Variants in DENND1A observed in about 807,000 individuals in gnomAD.
The protein encoded by DENND1A is DENN domain-containing protein 1A.
Under a neutral mutation model 113.7 loss-of-function variants are expected in DENND1A, and 51 were observed. The ratio of observed to expected loss-of-function variants is 0.45; its 90% confidence interval spans 0.36 to 0.57. The LOEUF (loss-of-function observed/expected upper bound fraction) is 0.57. Ranked by LOEUF, DENND1A falls within the 20% of genes least tolerant of loss-of-function variation. The probability of loss-of-function intolerance (pLI) is 0.00; values close to 1 mark genes in which losing one functional copy is unlikely to be tolerated. For synonymous variants in DENND1A, 565 were observed against 570.8 expected (o/e 0.99, Z 0.14); for missense variants, 1,258 against 1,395.9 (o/e 0.90, Z 1.57).
rs115665243 is a variant in DENND1A, at chr9:123,609,842, T to C, written c.720-361A>G. On this transcript the variant is annotated intron_variant, in intron 10 of 23. Transcript: ENST00000394215. ...ATCAAAGAAAATATACGTTAAATGATCAGCAGAGTTCTAATACAGATGGGA... is the reference window on the plus strand; with the variant it reads ...ATCAAAGAAAATATACGTTAAATGACCAGCAGAGTTCTAATACAGATGGGA... 1.3e-3 allele frequency among the ~76,000 whole-genome samples: 200 copies of C among 152,282 alleles called. 1 individual carries two copies. Among genetic ancestry groups the C allele is most frequent in the African/African-American group, 4.6e-3 (192 of 41,554 alleles).
chr9:123,747,556 A>C (rs2069621608), intron 5 of DENND1A, among the ~76,000 whole-genome samples: 1 of 152,188 alleles, frequency 6.6e-6, no homozygotes, highest in Non-Finnish European at 1.5e-5. Flanking sequence ...CAAGTCCATG[A>C]GTAGAAAATA....
At chr9:123,465,113 G>A (rs570591692) in intron 13 of DENND1A, among the ~76,000 whole-genome samples, 2 of 151,454 alleles carry the variant, frequency 1.3e-5, no homozygotes, top group South Asian at 2.1e-4. Flanking sequence ...CCCGGGAGGT[G>A]GAGGTTGCAG....
intron 13 of DENND1A, among the ~76,000 whole-genome samples, chr9:123,532,104 C>A (rs755786711): frequency 2.6e-5 from 4 of 152,170 alleles, no homozygotes; most frequent in Non-Finnish European, 5.9e-5. Context: ...AAACCCTGTA[C>A]AATCAAATGA....
intron 4 of DENND1A, chr9:123,759,200 C>T (rs1447514817): frequency 6.6e-6 from 1 of 152,164 alleles, no homozygotes; most frequent in Non-Finnish European, 1.5e-5. Context: ...ATTTAAACAT[C>T]CCGCTTCCGT....
At chr9:123,429,273 G>A (rs2045961761) in intron 19 of DENND1A, among the ~76,000 whole-genome samples, 1 of 152,062 alleles carries the variant, frequency 6.6e-6, no homozygotes, top group Non-Finnish European at 1.5e-5. Context: ...CAAGCAATAG[G>A]GGCCAGGTGC....
intron 20 of DENND1A, chr9:123,411,328 T>C (rs1179161964): frequency 1.3e-5 from 2 of 152,238 alleles, no homozygotes; most frequent in Non-Finnish European, 2.9e-5. Context: ...TGTATCCATA[T>C]GAGCTGGCTC....
chr9:123,663,862 C>T (rs926448236), intron 8 of DENND1A, among the ~76,000 whole-genome samples: 2 of 149,518 alleles, frequency 1.3e-5, no homozygotes, highest in Admixed American at 6.6e-5. Context: ...AAAAAAAAAA[C>T]CAAAAGAATA....
intron 12 of DENND1A, among the ~76,000 whole-genome samples, chr9:123,575,585 T>A (rs753617521): frequency 5.9e-5 from 9 of 152,182 alleles, no homozygotes; most frequent in Non-Finnish European, 5.9e-5. Flanking sequence ...ATGTTAAAAT[T>A]GATCGTTTGG....
At chr9:123,710,534 AACACACACACAC>A (rs59599155) in intron 5 of DENND1A, among the ~76,000 whole-genome samples, 4 of 116,698 alleles carry the variant, frequency 3.4e-5, no homozygotes, top group Non-Finnish European at 7.7e-5. Flanking sequence ...AGCCTCATTA[AACACACACACAC>A]ACACACACAC....
intron 23 of DENND1A, 125 bp from the exon 24 acceptor site, chr9:123,382,750 C>T (rs987625221): frequency 6.7e-5 from 71 of 1,055,798 alleles, no homozygotes; most frequent in African/African-American, 3.0e-4. Context: ...ATCAGCTCCT[C>T]GGACTTGGAA....
intron 3 of DENND1A, among the ~76,000 whole-genome samples, chr9:123,770,048 T>G (rs1369041234): frequency 1.3e-5 from 2 of 152,198 alleles, no homozygotes; most frequent in Non-Finnish European, 2.9e-5. Context: ...AAAGCCAACT[T>G]GAAGATAATT....
chr9:123,400,077 T>A (rs2043350251), intron 21 of DENND1A: 1 of 152,236 alleles, frequency 6.6e-6, no homozygotes, highest in East Asian at 1.9e-4. Context: ...GTGCTCTGAA[T>A]AGTAATGGAA....
chr9:123,626,781 C>A (rs117054613), intron 10 of DENND1A, among the ~76,000 whole-genome samples: 2,865 of 152,248 alleles, frequency 0.019, 39 homozygotes, highest in Non-Finnish European at 0.027. Context: ...GGCACCTAAG[C>A]ACATGTGCAG....
intron 11 of DENND1A, among the ~76,000 whole-genome samples, chr9:123,589,335 A>T (rs1182656341): frequency 6.6e-6 from 1 of 151,998 alleles, no homozygotes; most frequent in Non-Finnish European, 1.5e-5. Context: ...ACTTCTTAAA[A>T]AGTGTCCCTC....
intron 12 of DENND1A, among the ~76,000 whole-genome samples, chr9:123,578,191 G>A (rs2058718464): frequency 6.6e-6 from 1 of 152,136 alleles, no homozygotes; most frequent in African/African-American, 2.4e-5. Flanking sequence ...TAATCTTTCA[G>A]CTCCCCAAGA....
At chr9:123,883,521 G>C (rs900008960) in intron 1 of DENND1A, among the ~76,000 whole-genome samples, 3 of 152,134 alleles carry the variant, frequency 2.0e-5, no homozygotes, top group African/African-American at 7.2e-5. Flanking sequence ...CCCAAGAATT[G>C]TATTTCTAAC....
intron 9 of DENND1A, among the ~76,000 whole-genome samples, chr9:123,638,957 G>A (rs1401160782): frequency 2.8e-5 from 4 of 142,100 alleles, no homozygotes; most frequent in Non-Finnish European, 6.0e-5. Context: ...ACATGGAATC[G>A]TGAGTACCTA....
chr9:123,458,799 T>G (rs190018144), intron 13 of DENND1A, among the ~76,000 whole-genome samples: 1 of 152,052 alleles, frequency 6.6e-6, no homozygotes, highest in African/African-American at 2.4e-5. Flanking sequence ...CCGTCTCTAC[T>G]GAAAATACAA....
chr9:123,652,003 G>A lies in DENND1A; in HGVS notation c.618+10C>T. The A allele has an allele frequency of 6.2e-7, 1 of 1,611,648 alleles. No homozygotes were observed. Among genetic ancestry groups the A allele is most frequent in the Non-Finnish European group, 8.5e-7 (1 of 1,178,048 alleles). ...TCATTAAAAAGCCAGTCTTAAGACT[G>A]TCTACTCACAGTGCTGAGTTTGCTG... On this transcript the variant is annotated intron_variant, in intron 9 of 23. Coordinates refer to ENST00000394215, the MANE Select transcript of DENND1A (RefSeq NM_001352964.2).
Sources: allele counts gnomAD v4.1 joint callset (sites outside exome capture counted in the v4.1 genomes callset), GRCh38; gene constraint gnomAD v4.1.1; transcripts MANE v1.5; gene names NCBI Gene and HGNC (gene_info 2026-07-23, HGNC 2026-07-21).